GPC6: variants seen among roughly 807,000 people sequenced by gnomAD.
The protein encoded by GPC6 is glypican-6.
Under a neutral mutation model 55.2 loss-of-function variants are expected in GPC6, and 14 were observed. That is an observed-to-expected ratio of 0.25 (90% CI 0.17 to 0.40). The LOEUF is 0.40. Among genes scored for constraint, GPC6 ranks in the 10% least tolerant of loss-of-function variants. The pLI is 1.00. For missense variants in GPC6, 641 were observed against 708.5 expected (o/e 0.90, Z 1.08); for synonymous variants, 278 against 259.6 (o/e 1.07, Z -0.68).
At chr13:94,122,082 T>TGGA (rs1886649633) in intron 4 of GPC6, among the ~76,000 whole-genome samples, 1 of 152,078 alleles carries the variant, frequency 6.6e-6, no homozygotes, top group Non-Finnish European at 1.5e-5. Flanking sequence ...GAATAGTGCT[T>TGGA]GGAGGGGTAA....
At chr13:93,470,352 T>G (rs1191693738) in intron 1 of GPC6, among the ~76,000 whole-genome samples, 1 of 152,202 alleles carries the variant, frequency 6.6e-6, no homozygotes, top group Non-Finnish European at 1.5e-5. Flanking sequence ...TTCTTCATAT[T>G]ATTTTTCTGC....
At chr13:94,373,855 C>T (rs945288032) in intron 6 of GPC6, among the ~76,000 whole-genome samples, 1 of 152,136 alleles carries the variant, frequency 6.6e-6, no homozygotes, top group Non-Finnish European at 1.5e-5. Flanking sequence ...ATCAGACTAA[C>T]AGCGGATCTC....
At chr13:94,267,230 C>T (rs533839428) in intron 4 of GPC6, among the ~76,000 whole-genome samples, 1 of 152,074 alleles carries the variant, frequency 6.6e-6, no homozygotes, top group African/African-American at 2.4e-5. Flanking sequence ...TTTGTAATAA[C>T]GTTTGGAAAC....
intron 2 of GPC6, among the ~76,000 whole-genome samples, chr13:93,777,384 A>G (rs1385355848): frequency 1.3e-5 from 2 of 152,174 alleles, no homozygotes; most frequent in African/African-American, 4.8e-5. Flanking sequence ...TAACTCTCCT[A>G]AACAGAGCAA....
intron 2 of GPC6, among the ~76,000 whole-genome samples, chr13:93,581,652 G>A (rs779774513): frequency 1.3e-5 from 2 of 152,048 alleles, no homozygotes; most frequent in Non-Finnish European, 1.5e-5. Flanking sequence ...CGCAGTGAGC[G>A]AAGATTGCGC....
intron 1 of GPC6, among the ~76,000 whole-genome samples, chr13:93,478,800 C>G (rs1020467905): frequency 6.6e-6 from 1 of 152,098 alleles, no homozygotes; most frequent in Non-Finnish European, 1.5e-5. Context: ...CCCAAACTTA[C>G]CAAAACTACA....
At chr13:93,220,785 T>G in the GPC6 span, among the ~76,000 whole-genome samples, 1 of 152,154 alleles carries the variant, frequency 6.6e-6, no homozygotes, top group South Asian at 2.1e-4. Context: ...TTAAATATAT[T>G]TAATACCTAA....
intron 3 of GPC6, among the ~76,000 whole-genome samples, chr13:93,914,548 G>T (rs1260422410): frequency 6.6e-6 from 1 of 152,186 alleles, no homozygotes; most frequent in East Asian, 1.9e-4. Flanking sequence ...ATCCATTGAA[G>T]TTAAAGACCC....
chr13:94,112,924 A>G (rs1444063232), intron 4 of GPC6, among the ~76,000 whole-genome samples: 1 of 152,066 alleles, frequency 6.6e-6, no homozygotes, highest in Non-Finnish European at 1.5e-5. Flanking sequence ...ATGCTCTGCT[A>G]GCTCCTCCTG....
intron 4 of GPC6, among the ~76,000 whole-genome samples, chr13:94,105,571 C>G (rs185139741): frequency 6.6e-6 from 1 of 152,064 alleles, no homozygotes; most frequent in Admixed American, 6.6e-5. Flanking sequence ...AACCTCAGGA[C>G]CTTTGAAATG....
rs542051645 is a variant in GPC6, at chr13:93,551,125, C to T, written c.319+5704C>T. On this transcript the variant is annotated intron_variant, in intron 2 of 8. Transcript: ENST00000377047. Reference sequence around the variant, plus strand: ...TATGATAATTAAAGAAGTCCCAGGACGAGACAAAATGAATCAAAGATTTTG... The same window carrying T: ...TATGATAATTAAAGAAGTCCCAGGATGAGACAAAATGAATCAAAGATTTTG... Among the ~76,000 whole-genome samples the T allele has an allele frequency of 6.0e-4, 92 of 152,100 alleles. 1 individual carries two copies. Among genetic ancestry groups the T allele is most frequent in the African/African-American group, 2.0e-3 (85 of 41,510 alleles).
At chr13:93,824,185 T>A (rs1311937958) in intron 2 of GPC6, among the ~76,000 whole-genome samples, 4 of 152,228 alleles carry the variant, frequency 2.6e-5, no homozygotes, top group African/African-American at 9.6e-5. Flanking sequence ...CTTTTCCTTT[T>A]TCCCTTATAT....
At position 94,102,019 on chromosome 13, in the gene GPC6, T is replaced by A. The variant is rs980796586; in HGVS notation, c.877+74125T>A. Reference sequence around the variant, plus strand: ...CAAAATGCATTTAAAATCTACTTTTTAAAAATGATTCATTTGAAGCATATT... The same window carrying A: ...CAAAATGCATTTAAAATCTACTTTTAAAAAATGATTCATTTGAAGCATATT... On this transcript the variant is annotated intron_variant, in intron 4 of 8. Coordinates refer to ENST00000377047, the MANE Select transcript of GPC6 (RefSeq NM_005708.5). Among the ~76,000 whole-genome samples, 5 of 152,224 alleles carry A rather than the reference T, an allele frequency of 3.3e-5. No homozygotes were observed. The East Asian group carries it at 9.6e-4, about 29-fold the overall frequency.
intron 1 of GPC6, among the ~76,000 whole-genome samples, chr13:93,459,163 A>G (rs1215224071): frequency 1.3e-5 from 2 of 152,204 alleles, no homozygotes; most frequent in African/African-American, 2.4e-5. Flanking sequence ...GATTCAAGCA[A>G]TCCTCCCGCT....
chr13:93,555,991 G>T (rs189088938), intron 2 of GPC6, among the ~76,000 whole-genome samples: 3 of 152,096 alleles, frequency 2.0e-5, no homozygotes, highest in African/African-American at 7.2e-5. Context: ...ACATATTAAG[G>T]TCAGCCAGTA....
intron 3 of GPC6, among the ~76,000 whole-genome samples, chr13:94,005,046 A>G (rs1881958310): frequency 6.6e-6 from 1 of 152,156 alleles, no homozygotes; most frequent in South Asian, 2.1e-4. Context: ...AGCCTGGGCA[A>G]CAGAGGCTGA....
At chr13:93,467,438 C>G (rs957211756) in intron 1 of GPC6, among the ~76,000 whole-genome samples, 2 of 152,110 alleles carry the variant, frequency 1.3e-5, no homozygotes, top group Admixed American at 1.3e-4. Context: ...CCTCGTGGAG[C>G]ATGAGGCTTG....
At chr13:93,491,787 C>G (rs1880017542) in intron 1 of GPC6, among the ~76,000 whole-genome samples, 2 of 129,736 alleles carry the variant, frequency 1.5e-5, no homozygotes, top group South Asian at 5.4e-4. Context: ...AATCCTTTCC[C>G]CATTGCTTAT....
chr13:94,303,029 A>G (rs1594148274), intron 5 of GPC6, among the ~76,000 whole-genome samples: 1 of 152,136 alleles, frequency 6.6e-6, no homozygotes, highest in Admixed American at 6.5e-5. Context: ...CACAGTGGAC[A>G]CCCGCGGGAT....
Sources: allele counts gnomAD v4.1 joint callset (sites outside exome capture counted in the v4.1 genomes callset), GRCh38; gene constraint gnomAD v4.1.1; transcripts MANE v1.5; gene names NCBI Gene and HGNC (gene_info 2026-07-23, HGNC 2026-07-21).